The following SCAND3 variants were observed in gnomAD, a reference collection of about 807,000 sequenced individuals.
SCAND3 encodes the protein SCAN domain containing 3.
the SCAND3 span, chr6:28,586,511 A>C: frequency 6.2e-7 from 1 of 1,614,234 alleles, no homozygotes; most frequent in Non-Finnish European, 8.5e-7. The surrounding 1 kb of genome is among the most constrained non-coding windows in gnomAD (Gnocchi z 4.4). Context: ...GTTGACTCAG[A>C]GCCTCCCTGG....
chr6:28,611,378 C>T, the SCAND3 span, among the ~76,000 whole-genome samples: 1 of 152,180 alleles, frequency 6.6e-6, no homozygotes, highest in Non-Finnish European at 1.5e-5. Context: ...CCTCTTCCAC[C>T]GTCCAGGTGG....
the SCAND3 span, among the ~76,000 whole-genome samples, chr6:28,604,988 C>A: frequency 6.6e-6 from 1 of 152,144 alleles, no homozygotes; most frequent in Non-Finnish European, 1.5e-5. Context: ...CAAATTTGAC[C>A]CTGAACCACT....
At chr6:28,575,231 AG>A in the SCAND3 span, 2 of 1,614,022 alleles carry the variant, frequency 1.2e-6, no homozygotes, top group Non-Finnish European at 1.7e-6. This position sits in a 1 kb window ranked among gnomAD's most constrained non-coding sequence, Gnocchi z 4.2. Flanking sequence ...CAGTGTGATG[AG>A]TTGTTAGTTT....
At chr6:28,613,997 CTT>C in the SCAND3 span, among the ~76,000 whole-genome samples, 1 of 148,588 alleles carries the variant, frequency 6.7e-6, no homozygotes, top group African/African-American at 2.5e-5. Context: ...GAGTTTCGCT[CTT>C]GTTGCCCAGG....
chr6:28,586,460 A>G, the SCAND3 span: 4 of 1,614,180 alleles, frequency 2.5e-6, no homozygotes, highest in Non-Finnish European at 3.4e-6. The surrounding 1 kb of genome is among the most constrained non-coding windows in gnomAD (Gnocchi z 4.4). Context: ...GCTCCTTGGT[A>G]TGTATCTCTG....
At chr6:28,615,091 G>T in the SCAND3 span, among the ~76,000 whole-genome samples, 1 of 152,182 alleles carries the variant, frequency 6.6e-6, no homozygotes, top group Admixed American at 6.5e-5. Flanking sequence ...AGAGACAATA[G>T]TTAATCTTGC....
chr6:28,576,348 C>T, the SCAND3 span, among the ~76,000 whole-genome samples: 1 of 152,142 alleles, frequency 6.6e-6, no homozygotes, highest in Non-Finnish European at 1.5e-5. Context: ...CAACTTCTGC[C>T]TCCTAGATTC....
the SCAND3 span, among the ~76,000 whole-genome samples, chr6:28,593,015 T>C: frequency 4.6e-5 from 7 of 151,810 alleles, no homozygotes; most frequent in Non-Finnish European, 7.4e-5. Flanking sequence ...CAATGATTTT[T>C]TTTTTTTTTT....
chr6:28,572,174 T>C, the SCAND3 span: 19 of 1,613,980 alleles, frequency 1.2e-5, no homozygotes, highest in Non-Finnish European at 1.6e-5. This position sits in a 1 kb window ranked among gnomAD's most constrained non-coding sequence, Gnocchi z 4.1. Flanking sequence ...TTTTCAAAAC[T>C]GATTTTCAAT....
the SCAND3 span, chr6:28,570,621 G>T: frequency 6.6e-6 from 1 of 152,036 alleles, no homozygotes; most frequent in Non-Finnish European, 1.5e-5. Flanking sequence ...TTACCAAAAG[G>T]TTAAATTATT....
the SCAND3 span, among the ~76,000 whole-genome samples, chr6:28,582,871 AAG>A: frequency 6.6e-6 from 1 of 152,014 alleles, no homozygotes; most frequent in Non-Finnish European, 1.5e-5. The surrounding 1 kb of genome is among the most constrained non-coding windows in gnomAD (Gnocchi z 4.8). Context: ...GCAGTGAGCC[AAG>A]ATCCTGCCAC....
the SCAND3 span, chr6:28,574,985 CTGTT>C: frequency 4.3e-6 from 7 of 1,613,724 alleles, no homozygotes; most frequent in Non-Finnish European, 5.9e-6. Flanking sequence ...TCACTACTGT[CTGTT>C]CCAGTCTCAA....
At chr6:28,588,355 T>C in the SCAND3 span, among the ~76,000 whole-genome samples, 1 of 152,232 alleles carries the variant, frequency 6.6e-6, no homozygotes, top group South Asian at 2.1e-4. The surrounding 1 kb of genome is among the most constrained non-coding windows in gnomAD (Gnocchi z 4.1). Flanking sequence ...CTGAGCACAG[T>C]AGGCAGTTAA....
the SCAND3 span, among the ~76,000 whole-genome samples, chr6:28,601,492 C>A: frequency 3.9e-5 from 6 of 152,058 alleles, no homozygotes; most frequent in Admixed American, 3.9e-4. Flanking sequence ...CTGTTTTTGT[C>A]AATGATATTC....
the SCAND3 span, among the ~76,000 whole-genome samples, chr6:28,576,959 A>T: frequency 2.7e-3 from 406 of 151,712 alleles, 4 homozygotes; most frequent in African/African-American, 9.4e-3. Context: ...ATAGATTTTT[A>T]AAAAAATCTC....
chr6:28,586,626 T>C, the SCAND3 span: 1 of 1,614,132 alleles, frequency 6.2e-7, no homozygotes, highest in Non-Finnish European at 8.5e-7. This position sits in a 1 kb window ranked among gnomAD's most constrained non-coding sequence, Gnocchi z 4.4. Context: ...CCAAGTGTGG[T>C]CTTCTTCTTT....
the SCAND3 span, among the ~76,000 whole-genome samples, chr6:28,602,307 C>G: frequency 6.6e-6 from 1 of 152,194 alleles, no homozygotes; most frequent in African/African-American, 2.4e-5. Context: ...CCTCCCGGGT[C>G]AAGTGATTCT....
At chr6:28,589,228 G>C in the SCAND3 span, 4 of 152,306 alleles carry the variant, frequency 2.6e-5, no homozygotes, top group Non-Finnish European at 5.9e-5. Context: ...TATTTTGACA[G>C]TTACTCCTTC....
chr6:28,615,861 A>T, the SCAND3 span, among the ~76,000 whole-genome samples: 1 of 152,164 alleles, frequency 6.6e-6, no homozygotes, highest in Non-Finnish European at 1.5e-5. Context: ...TCATCTCCAG[A>T]AGATGTTTAT....
Sources: allele counts gnomAD v4.1 joint callset (sites outside exome capture counted in the v4.1 genomes callset), GRCh38; gene constraint gnomAD v4.1.1; non-coding constraint Gnocchi (gnomAD v3.1); transcripts MANE v1.5; gene names NCBI Gene and HGNC (gene_info 2026-07-23, HGNC 2026-07-21).